OSBPL10: variants seen among roughly 807,000 people sequenced by gnomAD.
OSBPL10 encodes oxysterol binding protein like 10, also known as oxysterol-binding protein-related protein 10.
A neutral mutation model predicts 81.7 loss-of-function variants in OSBPL10; 49 were observed. That is an observed-to-expected ratio of 0.60 (90% CI 0.48 to 0.76). The LOEUF is 0.76. Ranked by LOEUF, OSBPL10 falls within the 30% of genes least tolerant of loss-of-function variation. The probability of loss-of-function intolerance (pLI) is 0.00; values close to 1 mark genes in which losing one functional copy is unlikely to be tolerated. For synonymous variants in OSBPL10, 419 were observed against 383.6 expected (o/e 1.09, Z -1.08); for missense variants, 923 against 987.8 (o/e 0.93, Z 0.88).
chr3:31,937,609 G>A (rs985737884), intron 1 of OSBPL10, among the ~76,000 whole-genome samples: 3 of 146,750 alleles, frequency 2.0e-5, no homozygotes, highest in Non-Finnish European at 3.0e-5. Flanking sequence ...CCAGACCCCC[G>A]ACCCTTTCCC....
intron 3 of OSBPL10, among the ~76,000 whole-genome samples, chr3:31,873,932 G>C (rs1217184297): frequency 1.3e-5 from 2 of 152,128 alleles, no homozygotes; most frequent in Non-Finnish European, 2.9e-5. Flanking sequence ...ATGCTAGCTA[G>C]GATATAAATG....
At chr3:32,017,672 T>C (rs1699327563) in intron 2 of OSBPL10, among the ~76,000 whole-genome samples, 1 of 152,218 alleles carries the variant, frequency 6.6e-6, no homozygotes, top group Non-Finnish European at 1.5e-5. Flanking sequence ...CTGGGTTTTA[T>C]TGTTCGCTGT....
At chr3:31,969,206 T>C (rs2125486271) in intron 1 of OSBPL10, among the ~76,000 whole-genome samples, 1 of 152,240 alleles carries the variant, frequency 6.6e-6, no homozygotes, top group East Asian at 1.9e-4. Context: ...CTGAGGTTAA[T>C]GAATTGGGAG....
At chr3:31,848,818 CTT>C (rs1294246110) in intron 3 of OSBPL10, among the ~76,000 whole-genome samples, 1 of 152,214 alleles carries the variant, frequency 6.6e-6, no homozygotes, top group East Asian at 1.9e-4. Flanking sequence ...CCTTGTTTCT[CTT>C]CTTTATTTAA....
intron 1 of OSBPL10, among the ~76,000 whole-genome samples, chr3:31,962,257 G>A (rs769772936): frequency 1.8e-4 from 27 of 152,108 alleles, no homozygotes; most frequent in East Asian, 3.9e-4. Flanking sequence ...GCGCCTGGCC[G>A]GCATCACCAA....
chr3:31,829,377 C>T (rs771508876), intron 4 of OSBPL10, among the ~76,000 whole-genome samples: 1 of 152,156 alleles, frequency 6.6e-6, no homozygotes, highest in African/African-American at 2.4e-5. Flanking sequence ...GCATCAAAAG[C>T]GAAATTTAAA....
At chr3:31,718,194 C>G (rs1696515982) in intron 6 of OSBPL10, 1 of 152,234 alleles carries the variant, frequency 6.6e-6, no homozygotes, top group South Asian at 2.1e-4. Flanking sequence ...GTGGCGCGAT[C>G]TCGGCTCACT....
At chr3:31,799,427 A>AAT (rs1699322817) in intron 4 of OSBPL10, among the ~76,000 whole-genome samples, 1 of 151,748 alleles carries the variant, frequency 6.6e-6, no homozygotes, top group Non-Finnish European at 1.5e-5. Context: ...AAAGAACAAG[A>AAT]ATATCAGCTT....
intron 6 of OSBPL10, among the ~76,000 whole-genome samples, chr3:31,717,501 A>G (rs924615780): frequency 1.3e-5 from 2 of 151,940 alleles, no homozygotes; most frequent in African/African-American, 4.8e-5. Flanking sequence ...CATTTTGTAG[A>G]AAAAAAAGAA....
chr3:31,910,433 A>G (rs1261458641), intron 1 of OSBPL10, among the ~76,000 whole-genome samples: 1 of 151,094 alleles, frequency 6.6e-6, no homozygotes, highest in East Asian at 2.0e-4. Context: ...TCAGGAGTTC[A>G]AGACCAGCCT....
intron 4 of OSBPL10, among the ~76,000 whole-genome samples, chr3:31,785,441 T>C (rs1290158122): frequency 6.6e-6 from 1 of 152,152 alleles, no homozygotes; most frequent in East Asian, 1.9e-4. Context: ...AATCCAGATC[T>C]GGCCAGGCAA....
intron 5 of OSBPL10, among the ~76,000 whole-genome samples, chr3:31,747,148 A>C (rs1697551077): frequency 6.6e-6 from 1 of 152,040 alleles, no homozygotes; most frequent in Non-Finnish European, 1.5e-5. Flanking sequence ...CAGCCTGACT[A>C]ACATGGTGAA....
chr3:31,936,232 T>A (rs966137953), intron 1 of OSBPL10, among the ~76,000 whole-genome samples: 3 of 152,232 alleles, frequency 2.0e-5, no homozygotes, highest in Non-Finnish European at 4.4e-5. Context: ...CTCTCTTACA[T>A]TCTTTAAGGT....
chr3:31,980,762 G>T (rs955478237), intron 1 of OSBPL10, 137 bp downstream of exon 1: 45 of 1,161,640 alleles, frequency 3.9e-5, no homozygotes, highest in South Asian at 4.1e-5. Flanking sequence ...GAAGGGCACC[G>T]TTGGGAGGCA....
chr3:31,672,927 A>G (rs2125519202), intron 8 of OSBPL10, among the ~76,000 whole-genome samples: 1 of 152,302 alleles, frequency 6.6e-6, no homozygotes, highest in Non-Finnish European at 1.5e-5. Flanking sequence ...TGGGAACATA[A>G]TTGAGTACAT....
At chr3:31,741,313 G>A (rs1051940302) in intron 5 of OSBPL10, among the ~76,000 whole-genome samples, 10 of 152,344 alleles carry the variant, frequency 6.6e-5, no homozygotes, top group East Asian at 1.9e-4. Flanking sequence ...TCACTAGGCT[G>A]GAGTGCAGTG....
chr3:31,945,054 G>T (rs148544495), intron 1 of OSBPL10, among the ~76,000 whole-genome samples: 1 of 150,182 alleles, frequency 6.7e-6, no homozygotes, highest in African/African-American at 2.5e-5. Flanking sequence ...GGGAGGCCAC[G>T]GCAGGAGAAT....
chr3:31,869,396 C>T (rs911649888), intron 3 of OSBPL10, among the ~76,000 whole-genome samples: 27 of 152,128 alleles, frequency 1.8e-4, no homozygotes, highest in African/African-American at 6.3e-4. Flanking sequence ...TTTACGGGAA[C>T]CCCCCACCCC....
intron 1 of OSBPL10, among the ~76,000 whole-genome samples, chr3:31,913,399 A>C (rs9854375): frequency 0.23 from 34,419 of 151,640 alleles, 3,931 homozygotes; most frequent in East Asian, 0.29. Context: ...CAGGCGCACA[A>C]CACCACACCT....
Sources: gnomAD v4.1 joint callset for allele counts (sites outside exome capture counted in the v4.1 genomes callset) on GRCh38, gnomAD v4.1.1 for gene constraint, MANE v1.5 for transcripts, NCBI Gene and HGNC (gene_info 2026-07-23, HGNC 2026-07-21) for gene names.